The following PIP5K1A variants were observed in gnomAD, a reference collection of about 807,000 sequenced individuals.
PIP5K1A encodes phosphatidylinositol 4-phosphate 5-kinase type-1 alpha.
In PIP5K1A, 46 loss-of-function variants were observed where a neutral mutation model predicts 72.9. The ratio of observed to expected loss-of-function variants is 0.63; its 90% CI spans 0.50 to 0.81. The LOEUF is 0.81. PIP5K1A is among the 30% of genes least tolerant of loss of function. The pLI is 0.00. For missense variants in PIP5K1A, 458 were observed against 706.1 expected, an observed-to-expected ratio of 0.65 and a Z score of 3.98; for synonymous variants, 228 against 255.1, an observed-to-expected ratio of 0.89 and a Z score of 1.01.
rs2102512668 is a variant in PIP5K1A at position 151,227,407 on chromosome 1, C to T, written c.237+7C>T. The T allele has an allele frequency of 1.3e-6, 2 of 1,594,826 alleles. No individual in the cohort carries two copies. Among genetic ancestry groups the T allele is most frequent in the Non-Finnish European group, 1.7e-6 (2 of 1,163,218 alleles). The stretch of plus-strand genomic sequence containing the variant: ...AGAGACAACATATAAAAAGGTGTGT[C>T]TGGATGAAACCGTCTCATCTTACTC... On this transcript the variant is annotated splice_region_variant and intron_variant, in intron 4 of 15. Coordinates refer to ENST00000368888, the MANE Select transcript of PIP5K1A (RefSeq NM_001135638.2).
At position 151,232,471 on chromosome 1, in the gene PIP5K1A, A is replaced by G. The variant is rs587765218; in HGVS notation, c.487-80A>G. 71 of 1,517,628 alleles carry G rather than the reference A, an allele frequency of 4.7e-5. 1 individual carries two copies. In the African/African-American group the frequency reaches 6.9e-4, roughly 15 times the overall value. The allele number at this position is 1,517,628 out of a possible 1,614,324, so 94.0% of individuals were successfully genotyped here. A position where few individuals can be genotyped will look rare whatever the true frequency, so the allele number is the denominator to read the frequency against. On this transcript the variant is annotated intron_variant, in intron 6 of 15. Coordinates refer to ENST00000368888, the MANE Select transcript of PIP5K1A (RefSeq NM_001135638.2). ...TCGCTCTGGTTTTTATTTAGAAAAGAATTGCATCTGTAGTTGATTTTTGTG... is the reference window on the plus strand; with the variant it reads ...TCGCTCTGGTTTTTATTTAGAAAAGGATTGCATCTGTAGTTGATTTTTGTG...
At position 151,198,965 on chromosome 1, in the gene PIP5K1A, G is replaced by C. The variant is rs1684803287; in HGVS notation, c.-32G>C. The C allele has an allele frequency of 6.2e-7, 1 of 1,602,198 alleles. No homozygotes were observed. The highest frequency in any genetic ancestry group is 8.5e-7 in the Non-Finnish European group (1 of 1,169,650). ...AGAGGAAGAACCGGATTGAAAGAGA[G>C]CCAGGCCGCTGAGGGGGAGGGGGCT... On this transcript the variant is annotated 5_prime_UTR_variant, in exon 1 of 16. Transcript: ENST00000368888.
chr1:151,246,686 T>G (rs953347269), intron 14 of PIP5K1A, among the ~76,000 whole-genome samples: 2 of 152,126 alleles, frequency 1.3e-5, no homozygotes, highest in African/African-American at 4.8e-5. Context: ...ACCTGGAGAT[T>G]GAAACAGAAG....
chr1:151,213,108 G>A (rs1558248611), intron 1 of PIP5K1A, among the ~76,000 whole-genome samples: 1 of 152,070 alleles, frequency 6.6e-6, no homozygotes, highest in African/African-American at 2.4e-5. Context: ...TAGCCAGGAT[G>A]GTCTCGATCT....
rs981529960 is a variant in PIP5K1A, at chr1:151,215,234, C to T, written c.86-9011C>T. Among the ~76,000 whole-genome samples, 6 of 151,350 alleles carry T rather than the reference C, an allele frequency of 4.0e-5. 1 individual carries two copies. The highest frequency in any genetic ancestry group is 1.2e-4 in the African/African-American group (5 of 41,148). Reference sequence around the variant, plus strand: ...TGTATTTTTAGTAAAGACGGGGTTTCTCCATGTTGGTCATGTTGGTCTCGA... The same window carrying T: ...TGTATTTTTAGTAAAGACGGGGTTTTTCCATGTTGGTCATGTTGGTCTCGA... On this transcript the variant is annotated intron_variant, in intron 1 of 15. Coordinates refer to ENST00000368888, the MANE Select transcript of PIP5K1A (RefSeq NM_001135638.2).
upstream of PIP5K1A, chr1:151,198,200 TTAAATG>T: frequency 2.3e-6 from 1 of 432,778 alleles, no homozygotes. Flanking sequence ...CTTGGTGGTA[TTAAATG>T]TTTTGTGATA....
chr1:151,195,884 ATTTTTTTTTTTT>A (rs1157195462), upstream of PIP5K1A, among the ~76,000 whole-genome samples: 4 of 62,290 alleles, frequency 6.4e-5, no homozygotes, highest in African/African-American at 2.1e-4. Flanking sequence ...ACACCAGCCG[ATTTTTTTTTTTT>A]TTTTTTTTTT....
intron 9 of PIP5K1A, 53 bp downstream of exon 9, chr1:151,236,816 C>CTTTTAT: frequency 4.0e-6 from 2 of 500,222 alleles, no homozygotes; most frequent in South Asian, 3.7e-5. Context: ...CAGCACTTTT[C>CTTTTAT]TTTTCTTTTT....
At chr1:151,220,742 C>T (rs1174289625) in intron 1 of PIP5K1A, among the ~76,000 whole-genome samples, 4 of 152,226 alleles carry the variant, frequency 2.6e-5, no homozygotes, top group African/African-American at 9.6e-5. Context: ...GCTGGGATTA[C>T]AGGCGTGAGC....
intron 1 of PIP5K1A, among the ~76,000 whole-genome samples, chr1:151,203,716 C>T (rs1166156657): frequency 6.6e-6 from 1 of 151,146 alleles, no homozygotes; most frequent in South Asian, 2.1e-4. Flanking sequence ...CCCAGCTACT[C>T]GGAAGGCTGA....
At position 151,223,862 on chromosome 1, in the gene PIP5K1A, G is replaced by A. The variant is rs144702592; in HGVS notation, c.86-383G>A. The stretch of plus-strand genomic sequence containing the variant: ...AAATTAGCTGAATGTGGTAGGAGGC[G>A]CCTGTAATCCCTGCTACTCAGGAGG... On this transcript the variant is annotated intron_variant, in intron 1 of 15. Transcript: ENST00000368888. The A allele has an allele frequency of 2.8e-4, 53 of 187,252 alleles. 1 individual carries two copies. In the South Asian group the frequency reaches 3.4e-3, roughly 12 times the overall value. 11.6% of individuals were successfully genotyped at this position (187,252 alleles called of 1,614,324 possible).
intron 1 of PIP5K1A, 76 bp downstream of exon 1, chr1:151,199,157 C>T: frequency 2.5e-6 from 4 of 1,607,382 alleles, no homozygotes; most frequent in Non-Finnish European, 3.4e-6. Flanking sequence ...TAAGAGGGTA[C>T]CTGTAGCTGG....
At chr1:151,224,479 G>C (rs1688829538) in intron 3 of PIP5K1A, 73 bp downstream of exon 3, 3 of 1,121,766 alleles carry the variant, frequency 2.7e-6, no homozygotes, top group Non-Finnish European at 4.0e-6. Context: ...CACATTTATT[G>C]AGCATTTTTA....
At position 151,236,640 on chromosome 1, in the gene PIP5K1A, G is replaced by A. The variant is rs746446850; in HGVS notation, c.1022G>A (p.Ser341Asn). ...GATCATGCACAACGAGAGCCCTTAA[G>A]CAGTGAAACACAGTACTCAGTTGAT... ...NIDHAQREPLSSETQYSVDTR... is the reference protein window; with the variant it reads ...NIDHAQREPLNSETQYSVDTR... The change falls in exon 9 of 16, where the codon AGC becomes AAC. Residue 341 changes from serine (S) to asparagine (N), a missense_variant. Ser to Asn is a conservative substitution (Grantham distance 46). This residue lies in a region of PIP5K1A where 220 missense variants were observed against 442.6 expected (regional missense o/e 0.50). Transcript: ENST00000368888. 11 of 1,613,230 alleles carry A rather than the reference G, an allele frequency of 6.8e-6. No homozygotes were observed. Among genetic ancestry groups the A allele is most frequent in the Non-Finnish European group, 9.3e-6 (11 of 1,179,536 alleles).
At chr1:151,216,667 G>C (rs1214950886) in intron 1 of PIP5K1A, among the ~76,000 whole-genome samples, 1 of 151,808 alleles carries the variant, frequency 6.6e-6, no homozygotes, top group Non-Finnish European at 1.5e-5. Context: ...GACCCTTCCT[G>C]TCCTGTAGAT....
intron 1 of PIP5K1A, among the ~76,000 whole-genome samples, chr1:151,220,266 A>C (rs1169230908): frequency 6.6e-6 from 1 of 152,096 alleles, no homozygotes; most frequent in Non-Finnish European, 1.5e-5. Context: ...GGCCTCCCCA[A>C]GTGCTGGGAT....
At chr1:151,228,355 G>A (rs939309508) in intron 4 of PIP5K1A, among the ~76,000 whole-genome samples, 3 of 152,038 alleles carry the variant, frequency 2.0e-5, no homozygotes, top group Admixed American at 6.6e-5. Context: ...TCGCTGTGTC[G>A]CACAGGCTGG....
intron 4 of PIP5K1A, among the ~76,000 whole-genome samples, chr1:151,229,945 G>T (rs889322529): frequency 3.9e-5 from 6 of 152,110 alleles, no homozygotes; most frequent in African/African-American, 1.4e-4. Flanking sequence ...AAAATTAGTC[G>T]GGTGTGGTGG....
At chr1:151,217,463 G>A (rs895483391) in intron 1 of PIP5K1A, among the ~76,000 whole-genome samples, 2 of 152,196 alleles carry the variant, frequency 1.3e-5, no homozygotes, top group Non-Finnish European at 2.9e-5. Context: ...GAGTAGTACA[G>A]AAGGAAACTT....
Sources: gnomAD v4.1 joint callset for allele counts (sites outside exome capture counted in the v4.1 genomes callset) on GRCh38, gnomAD v4.1.1 for gene constraint, gnomAD v4.1.1 regional missense constraint, MANE v1.5 for transcripts, NCBI Gene and HGNC (gene_info 2026-07-23, HGNC 2026-07-21) for gene names.